ZNF827: variants seen among roughly 807,000 people sequenced by gnomAD.
The protein encoded by ZNF827 is zinc finger protein 827.
A neutral mutation model predicts 102.4 loss-of-function variants in ZNF827; 13 were observed. That is an observed-to-expected ratio of 0.13 (90% CI 0.08 to 0.20). The LOEUF is 0.20. Among genes scored for constraint, ZNF827 ranks in the 10% least tolerant of loss-of-function variants. The probability of loss-of-function intolerance (pLI) is 1.00; values close to 1 mark genes in which losing one functional copy is unlikely to be tolerated. For synonymous variants in ZNF827, 523 were observed against 536.2 expected (o/e 0.98, Z 0.34); for missense variants, 1,103 against 1,344.4 (o/e 0.82, Z 2.81).
chr4:145,801,446 A>G (rs1019452824), intron 8 of ZNF827, among the ~76,000 whole-genome samples: 3 of 152,214 alleles, frequency 2.0e-5, no homozygotes, highest in African/African-American at 7.2e-5. Flanking sequence ...TTTGACGGAA[A>G]CCTTTCTACA....
intron 8 of ZNF827, among the ~76,000 whole-genome samples, chr4:145,783,683 T>C (rs1738436062): frequency 6.6e-6 from 1 of 152,252 alleles, no homozygotes; most frequent in African/African-American, 2.4e-5. Flanking sequence ...AAATGAAGGA[T>C]ATACTGGTAT....
At chr4:145,891,889 G>A (rs979594339) in intron 3 of ZNF827, among the ~76,000 whole-genome samples, 19 of 152,322 alleles carry the variant, frequency 1.2e-4, no homozygotes, top group African/African-American at 4.3e-4. Flanking sequence ...AGCTCTTCCT[G>A]AACTTGGCTT....
chr4:145,779,389 G>C lies in ZNF827; in HGVS notation c.2506C>G (p.Leu836Val), dbSNP rs1159908221. 1 of 1,614,146 alleles carries C rather than the reference G, an allele frequency of 6.2e-7. No individual in the cohort carries two copies. Among genetic ancestry groups the C allele is most frequent in the Non-Finnish European group, 8.5e-7 (1 of 1,179,992 alleles). ...ACTCACTCACCTGTGTGCAGCGAGA[G>C]GTGTCGGGACAATGTCTGCTGTCGG... ...FGRQQTLSRH[L>V]SLHTEERKYK... The change falls in exon 9 of 15, where the codon CTC (leucine) becomes GTC (valine). Residue 836 changes from leucine (L) to valine (V), a missense_variant. By Grantham distance (32) the Leu-to-Val change is conservative. Coordinates refer to ENST00000508784, the MANE Select transcript of ZNF827 (RefSeq NM_001306215.2).
chr4:145,935,015 G>T (rs1754058501), intron 1 of ZNF827, among the ~76,000 whole-genome samples: 1 of 152,070 alleles, frequency 6.6e-6, no homozygotes, highest in Non-Finnish European at 1.5e-5. Flanking sequence ...GGGCTCTTTG[G>T]CTTCAAAAAC....
intron 8 of ZNF827, among the ~76,000 whole-genome samples, chr4:145,815,568 TA>T (rs1473566541): frequency 1.3e-5 from 2 of 152,230 alleles, no homozygotes; most frequent in Admixed American, 6.5e-5. Context: ...TGAGTGGAAT[TA>T]CTTTTCTTTT....
chr4:145,886,324 A>G (rs895170139), intron 3 of ZNF827, among the ~76,000 whole-genome samples, 166 bp from the exon 4 acceptor site: 8 of 152,222 alleles, frequency 5.3e-5, no homozygotes, highest in Admixed American at 2.6e-4. Flanking sequence ...CAATCCCTAA[A>G]CATAAAGTGG....
intron 5 of ZNF827, 145 bp from the exon 6 acceptor site, chr4:145,849,706 G>C: frequency 2.3e-6 from 3 of 1,316,416 alleles, no homozygotes; most frequent in Non-Finnish European, 3.1e-6. Context: ...ACCATAGTTT[G>C]AAAACCATTG....
rs1261645438 is a variant in ZNF827, at chr4:145,938,509, G to C, written c.-102C>G. On this transcript the variant is annotated 5_prime_UTR_variant, in exon 1 of 15. Coordinates refer to ENST00000508784, the MANE Select transcript of ZNF827 (RefSeq NM_001306215.2). Reference sequence around the variant, plus strand: ...ACTGGCAGGAGCGGGGAGGTAGTTGGGGGGCGGGCGGGCGGGCAGGGGGAA... The same window carrying C: ...ACTGGCAGGAGCGGGGAGGTAGTTGCGGGGCGGGCGGGCGGGCAGGGGGAA... 1.3e-5 allele frequency: 5 copies of C among 385,796 alleles called. 1 individual carries two copies. Among genetic ancestry groups the C allele is most frequent in the South Asian group, 6.2e-5 (2 of 32,288 alleles). 23.9% of individuals were successfully genotyped at this position (385,796 alleles called of 1,614,324 possible). A position where few individuals can be genotyped will look rare whatever the true frequency, so the allele number is the denominator to read the frequency against.
intron 11 of ZNF827, among the ~76,000 whole-genome samples, chr4:145,772,303 T>C (rs781553207): frequency 6.6e-6 from 1 of 152,224 alleles, no homozygotes; most frequent in Non-Finnish European, 1.5e-5. Flanking sequence ...CTTGGGAATA[T>C]ATACTGCTAT....
chr4:145,906,758 AT>A (rs1201534962), intron 1 of ZNF827, among the ~76,000 whole-genome samples: 1 of 152,246 alleles, frequency 6.6e-6, no homozygotes, highest in African/African-American at 2.4e-5. Flanking sequence ...TAAACAAAGT[AT>A]TTCTTAAACA....
Position 145,858,489 on chromosome 4 carries a change from A to G in ZNF827, c.1982-8928T>C, listed in dbSNP as rs116424105. On this transcript the variant is annotated intron_variant, in intron 5 of 14. Coordinates refer to ENST00000508784, the MANE Select transcript of ZNF827 (RefSeq NM_001306215.2). ...AGTCTCTACAAAAGATAAAAATCAA[A>G]AAATTAGCTGGGCTTGGTGGCACAT... 3.2e-3 allele frequency among the ~76,000 whole-genome samples: 486 copies of G among 152,074 alleles called. 1 individual carries two copies. The highest frequency in any genetic ancestry group is 0.011 in the African/African-American group (467 of 41,468).
intron 5 of ZNF827, among the ~76,000 whole-genome samples, chr4:145,859,789 G>A (rs535726702): frequency 1.0e-3 from 156 of 152,252 alleles, no homozygotes; most frequent in Non-Finnish European, 1.4e-3. Context: ...CGAGACCCTA[G>A]TCACTGAACA....
intron 5 of ZNF827, among the ~76,000 whole-genome samples, chr4:145,856,986 C>CAT (rs1491588878): frequency 6.1e-4 from 19 of 31,256 alleles, no homozygotes; most frequent in Non-Finnish European, 1.1e-3. Context: ...CACGCGCACG[C>CAT]ACACACACAC....
chr4:145,937,587 C>T (rs1754299096), intron 1 of ZNF827, among the ~76,000 whole-genome samples: 1 of 145,938 alleles, frequency 6.9e-6, no homozygotes, highest in Non-Finnish European at 1.5e-5. Flanking sequence ...CGCGCCCCCT[C>T]GCCTCGGCGC....
chr4:145,850,365 A>G (rs1021359786), intron 5 of ZNF827, among the ~76,000 whole-genome samples: 1 of 152,190 alleles, frequency 6.6e-6, no homozygotes, highest in African/African-American at 2.4e-5. Context: ...TAGGGCACAT[A>G]CATTAATCAA....
Position 145,774,493 on chromosome 4 carries a change from C to T in ZNF827, c.2860+13G>A. 4 of 1,605,922 alleles carry T rather than the reference C, an allele frequency of 2.5e-6. No individual in the cohort carries two copies. The highest frequency in any genetic ancestry group is 3.4e-6 in the Non-Finnish European group (4 of 1,175,722). ...GGAGAAGGAGTGTGAGAAGGACAGA[C>T]AGGAATGGTCACCTGTGTGCTTGGT... On this transcript the variant is annotated intron_variant, in intron 11 of 14. Coordinates refer to ENST00000508784, the MANE Select transcript of ZNF827 (RefSeq NM_001306215.2).
At chr4:145,824,822 C>A (rs565043574) in intron 7 of ZNF827, among the ~76,000 whole-genome samples, 1 of 152,294 alleles carries the variant, frequency 6.6e-6, no homozygotes, top group Non-Finnish European at 1.5e-5. Context: ...TGCCACAAGG[C>A]TATGGTTGCT....
At chr4:145,857,531 A>G (rs1368649593) in intron 5 of ZNF827, among the ~76,000 whole-genome samples, 1 of 152,234 alleles carries the variant, frequency 6.6e-6, no homozygotes, top group Non-Finnish European at 1.5e-5. Flanking sequence ...GACTGGCCAC[A>G]ACAGTATGCC....
chr4:145,765,398 A>G lies in ZNF827; in HGVS notation c.3052+149T>C, dbSNP rs1159864384. On this transcript the variant is annotated intron_variant, in intron 12 of 14. Coordinates refer to ENST00000508784, the MANE Select transcript of ZNF827 (RefSeq NM_001306215.2). The surrounding 1 kb of genome is among the most constrained non-coding windows in gnomAD (Gnocchi z 4.7). ...CATACTCGGATTCAAATTAAGCCAA[A>G]AGAAATACAACCTTTAGGTGAGGCC... 2 of 1,101,706 alleles carry G rather than the reference A, an allele frequency of 1.8e-6. No homozygotes were observed. Among genetic ancestry groups the G allele is most frequent in the Non-Finnish European group, 2.5e-6 (2 of 789,470 alleles). 68.2% of individuals were successfully genotyped at this position (1,101,706 alleles called of 1,614,324 possible). A position where few individuals can be genotyped will look rare whatever the true frequency, so the allele number is the denominator to read the frequency against.
Sources: gnomAD v4.1 joint callset for allele counts (sites outside exome capture counted in the v4.1 genomes callset) on GRCh38, gnomAD v4.1.1 for gene constraint, Gnocchi (gnomAD v3.1) non-coding constraint, MANE v1.5 for transcripts, NCBI Gene and HGNC (gene_info 2026-07-23, HGNC 2026-07-21) for gene names.